The following CTNNA3 variants were observed in gnomAD, a reference collection of about 807,000 sequenced individuals.
CTNNA3 encodes the protein catenin alpha 3.
Under a neutral mutation model 95.7 loss-of-function variants are expected in CTNNA3, and 76 were observed. That is an observed-to-expected ratio of 0.79 (90% confidence interval 0.66 to 0.96). The LOEUF (loss-of-function observed/expected upper bound fraction) is 0.96, where lower values mean the gene tolerates loss of function less well. CTNNA3 is among the 40% of genes least tolerant of loss of function. The pLI is 0.00. For missense variants in CTNNA3, 1,191 were observed against 1,089.8 expected (o/e 1.09, Z -1.31); for synonymous variants, 431 against 374.4 (o/e 1.15, Z -1.74).
chr10:66,101,669 G>A (rs1309067817), intron 14 of CTNNA3, among the ~76,000 whole-genome samples: 4 of 152,038 alleles, frequency 2.6e-5, no homozygotes, highest in African/African-American at 9.7e-5. Flanking sequence ...GCTCTAATGA[G>A]ATAGCTTTTT....
intron 12 of CTNNA3, among the ~76,000 whole-genome samples, chr10:66,313,022 C>T (rs1261841931): frequency 6.6e-6 from 1 of 152,184 alleles, no homozygotes; most frequent in African/African-American, 2.4e-5. Flanking sequence ...ATCATAACTT[C>T]ACCATTACCG....
chr10:66,541,793 C>T (rs552889970), intron 10 of CTNNA3, among the ~76,000 whole-genome samples: 4 of 152,020 alleles, frequency 2.6e-5, no homozygotes, highest in Admixed American at 2.6e-4. Context: ...CTTTACAACA[C>T]GTAAGAGATT....
chr10:66,876,925 G>C (rs1258559348), intron 7 of CTNNA3, among the ~76,000 whole-genome samples: 2 of 152,132 alleles, frequency 1.3e-5, no homozygotes, highest in African/African-American at 4.8e-5. Flanking sequence ...CTTTCCTCAA[G>C]AACAGTTTTG....
intron 6 of CTNNA3, among the ~76,000 whole-genome samples, chr10:67,208,915 A>T (rs923184540): frequency 6.6e-6 from 1 of 152,230 alleles, no homozygotes; most frequent in African/African-American, 2.4e-5. Flanking sequence ...AATACCAGAC[A>T]AATTGAATCA....
chr10:66,006,033 G>T (rs2078873276), intron 15 of CTNNA3, among the ~76,000 whole-genome samples: 1 of 128,640 alleles, frequency 7.8e-6, no homozygotes, highest in South Asian at 2.4e-4. Context: ...TTTTTTCCGA[G>T]AGGGAGTCTT....
At chr10:67,025,582 G>A (rs561089608) in intron 7 of CTNNA3, among the ~76,000 whole-genome samples, 5 of 152,078 alleles carry the variant, frequency 3.3e-5, no homozygotes, top group East Asian at 3.9e-4. Context: ...AGAATAGCTC[G>A]GTTTCTGACT....
chr10:66,959,725 C>T (rs922622242), intron 7 of CTNNA3, among the ~76,000 whole-genome samples: 3 of 152,178 alleles, frequency 2.0e-5, no homozygotes, highest in East Asian at 1.9e-4. Flanking sequence ...TTCTTAAGCT[C>T]GTCCTAATTT....
intron 12 of CTNNA3, among the ~76,000 whole-genome samples, chr10:66,357,142 T>C (rs2132410805): frequency 6.6e-6 from 1 of 152,266 alleles, no homozygotes; most frequent in Admixed American, 6.5e-5. Flanking sequence ...AAGTGTTCCA[T>C]CTTTTTAATT....
intron 8 of CTNNA3, among the ~76,000 whole-genome samples, chr10:66,768,437 AAAAAG>A (rs1389957190): frequency 6.6e-6 from 1 of 152,160 alleles, no homozygotes; most frequent in Non-Finnish European, 1.5e-5. Context: ...AGTAGGGCCT[AAAAAG>A]AGACTGAGAT....
At chr10:66,169,958 C>T (rs972650712) in intron 13 of CTNNA3, among the ~76,000 whole-genome samples, 2 of 152,088 alleles carry the variant, frequency 1.3e-5, no homozygotes, top group Admixed American at 6.6e-5. Flanking sequence ...GATTTTCTCC[C>T]ACTCTGTGGG....
At chr10:67,158,518 T>C (rs1278043497) in intron 7 of CTNNA3, among the ~76,000 whole-genome samples, 3 of 152,132 alleles carry the variant, frequency 2.0e-5, no homozygotes, top group African/African-American at 7.2e-5. Context: ...ATAAGAAATT[T>C]AACCTTACTA....
intron 15 of CTNNA3, among the ~76,000 whole-genome samples, chr10:66,047,384 G>T (rs974233138): frequency 1.3e-5 from 2 of 152,078 alleles, no homozygotes; most frequent in African/African-American, 4.8e-5. Context: ...AAAACCACAT[G>T]AATATCTCAA....
At position 66,075,920 on chromosome 10, in the gene CTNNA3, C is replaced by A. The variant is rs1308911225; in HGVS notation, c.1978-6431G>T. 2.0e-5 allele frequency among the ~76,000 whole-genome samples: 3 copies of A among 151,246 alleles called. No individual in the cohort carries two copies. In the East Asian group the frequency reaches 5.8e-4, roughly 29 times the overall value. On this transcript the variant is annotated intron_variant, in intron 14 of 17. Coordinates refer to ENST00000433211, the MANE Select transcript of CTNNA3 (RefSeq NM_013266.4). ...GTAAATCATATAACTTTGCTAATTT[C>A]TCTATCCATGAAACTGGATGAAACA...
chr10:66,018,446 G>T (rs527644205), intron 15 of CTNNA3, among the ~76,000 whole-genome samples: 1 of 152,060 alleles, frequency 6.6e-6, no homozygotes. Flanking sequence ...ATTATTTTGA[G>T]AAAAATAATG....
At chr10:67,396,637 A>T (rs986389727) in intron 5 of CTNNA3, among the ~76,000 whole-genome samples, 1 of 152,246 alleles carries the variant, frequency 6.6e-6, no homozygotes, top group African/African-American at 2.4e-5. Context: ...AGCAAGCTAA[A>T]GAAAAGAAAA....
intron 11 of CTNNA3, among the ~76,000 whole-genome samples, chr10:66,469,805 A>C (rs941928255): frequency 2.0e-5 from 3 of 151,874 alleles, no homozygotes; most frequent in African/African-American, 7.2e-5. Flanking sequence ...AGTAGAATCA[A>C]TAAAATCTGG....
chr10:67,320,715 G>A (rs1234447476), intron 5 of CTNNA3, among the ~76,000 whole-genome samples: 1 of 152,188 alleles, frequency 6.6e-6, no homozygotes, highest in Admixed American at 6.5e-5. Context: ...ATGTGTGCAA[G>A]ACACTGGGCT....
At chr10:67,479,629 G>A (rs2133048481) in intron 5 of CTNNA3, among the ~76,000 whole-genome samples, 1 of 152,118 alleles carries the variant, frequency 6.6e-6, no homozygotes, top group Non-Finnish European at 1.5e-5. Context: ...CCTACATCAG[G>A]AATTTAGAGA....
chr10:66,432,854 T>C (rs557300528), intron 11 of CTNNA3, among the ~76,000 whole-genome samples: 1 of 152,262 alleles, frequency 6.6e-6, no homozygotes, highest in East Asian at 1.9e-4. Context: ...TGTGCCCATA[T>C]GTTCTCATTG....
Sources: allele counts gnomAD v4.1 joint callset (sites outside exome capture counted in the v4.1 genomes callset), GRCh38; gene constraint gnomAD v4.1.1; transcripts MANE v1.5; gene names NCBI Gene and HGNC (gene_info 2026-07-23, HGNC 2026-07-21).